Variants in RABGAP1L observed in about 807,000 individuals in gnomAD.
RABGAP1L encodes the protein rab GTPase-activating protein 1-like.
RABGAP1L carries 63 observed loss-of-function variants against 137.7 expected under a neutral mutation model. That is an observed-to-expected ratio of 0.46 (90% CI 0.37 to 0.56). The LOEUF is 0.56. Ranked by LOEUF, RABGAP1L falls within the 20% of genes least tolerant of loss-of-function variation. The pLI is 0.00. For missense variants in RABGAP1L, 1,095 were observed against 1,244.0 expected (o/e 0.88, Z 1.80); for synonymous variants, 431 against 433.7 (o/e 0.99, Z 0.08).
At chr1:174,405,902 C>A (rs989858449) in intron 13 of RABGAP1L, among the ~76,000 whole-genome samples, 10 of 151,556 alleles carry the variant, frequency 6.6e-5, no homozygotes, top group African/African-American at 2.2e-4. Context: ...CACTTGAGCC[C>A]GGGAGGCAGA....
intron 5 of RABGAP1L, among the ~76,000 whole-genome samples, chr1:174,248,098 T>A (rs972099130): frequency 5.3e-5 from 8 of 152,222 alleles, no homozygotes; most frequent in African/African-American, 1.9e-4. Flanking sequence ...CAATGACATA[T>A]TTCTAGCATA....
intron 13 of RABGAP1L, among the ~76,000 whole-genome samples, chr1:174,471,018 A>G (rs1657863249): frequency 6.9e-6 from 1 of 145,508 alleles, no homozygotes; most frequent in Admixed American, 6.8e-5. Flanking sequence ...ATGGTGGCTT[A>G]TACATAGCAG....
intron 11 of RABGAP1L, among the ~76,000 whole-genome samples, chr1:174,323,620 A>G (rs974508499): frequency 5.9e-5 from 9 of 152,138 alleles, no homozygotes; most frequent in African/African-American, 2.2e-4. Flanking sequence ...AGCTTTCATC[A>G]TATTTGGAAG....
At chr1:174,820,050 A>G (rs1485482463) in intron 19 of RABGAP1L, among the ~76,000 whole-genome samples, 3 of 152,174 alleles carry the variant, frequency 2.0e-5, no homozygotes, top group Non-Finnish European at 2.9e-5. Flanking sequence ...GCTTTGAGAA[A>G]CATGGAAGAG....
At chr1:174,981,786 C>T (rs1014069340) in intron 23 of RABGAP1L, among the ~76,000 whole-genome samples, 2 of 152,000 alleles carry the variant, frequency 1.3e-5, no homozygotes, top group Non-Finnish European at 2.9e-5. Flanking sequence ...CTATTTCTAC[C>T]ATTTCTAATA....
chr1:174,629,858 A>G (rs1035100446), intron 13 of RABGAP1L, among the ~76,000 whole-genome samples: 6 of 152,042 alleles, frequency 3.9e-5, no homozygotes, highest in African/African-American at 1.4e-4. Context: ...AGGTGATTTT[A>G]TTTTCATTTG....
At chr1:174,466,774 G>A (rs1571934947) in intron 13 of RABGAP1L, among the ~76,000 whole-genome samples, 1 of 152,146 alleles carries the variant, frequency 6.6e-6, no homozygotes, top group Non-Finnish European at 1.5e-5. Flanking sequence ...GCGAGAGAGC[G>A]AGACTTTATC....
intron 13 of RABGAP1L, among the ~76,000 whole-genome samples, chr1:174,434,349 C>T (rs925534951): frequency 5.3e-5 from 8 of 151,988 alleles, no homozygotes; most frequent in Non-Finnish European, 7.4e-5. Flanking sequence ...GGAAATATCA[C>T]GGTTTGTTTA....
chr1:174,462,957 A>G (rs1412191823), intron 13 of RABGAP1L, among the ~76,000 whole-genome samples: 1 of 152,248 alleles, frequency 6.6e-6, no homozygotes, highest in Non-Finnish European at 1.5e-5. Context: ...CAAAACCACA[A>G]TGAGATACCA....
intron 14 of RABGAP1L, among the ~76,000 whole-genome samples, chr1:174,638,649 A>G (rs527445836): frequency 3.4e-5 from 5 of 145,010 alleles, no homozygotes; most frequent in African/African-American, 1.0e-4. Flanking sequence ...ATGTCCAACA[A>G]TGATAGACTG....
intron 11 of RABGAP1L, among the ~76,000 whole-genome samples, chr1:174,356,776 G>T (rs1229435419): frequency 6.6e-6 from 1 of 152,046 alleles, no homozygotes; most frequent in Non-Finnish European, 1.5e-5. Context: ...CTGGGAATGT[G>T]TTTTTAGTTA....
intron 1 of RABGAP1L, among the ~76,000 whole-genome samples, chr1:174,205,509 T>A (rs1370848585): frequency 6.6e-6 from 1 of 152,138 alleles, no homozygotes; most frequent in Non-Finnish European, 1.5e-5. Flanking sequence ...CCTGGTTCAG[T>A]CTTGGGAGGA....
intron 14 of RABGAP1L, among the ~76,000 whole-genome samples, chr1:174,662,106 T>C (rs923497562): frequency 1.8e-5 from 2 of 111,236 alleles, no homozygotes; most frequent in South Asian, 2.6e-4. Context: ...TCTTTTCTTT[T>C]TTTTTTTTTT....
intron 1 of RABGAP1L, among the ~76,000 whole-genome samples, chr1:174,173,811 G>A (rs1246403618): frequency 6.6e-6 from 1 of 152,140 alleles, no homozygotes; most frequent in East Asian, 1.9e-4. Context: ...AGAAGGATAT[G>A]TAAACTGATC....
At chr1:174,277,420 T>A (rs1675092396) in intron 9 of RABGAP1L, among the ~76,000 whole-genome samples, 1 of 151,820 alleles carries the variant, frequency 6.6e-6, no homozygotes, top group African/African-American at 2.4e-5. Context: ...ATAAAAATAG[T>A]TTTTATGTTT....
chr1:174,328,909 C>T (rs893155907), intron 11 of RABGAP1L, among the ~76,000 whole-genome samples: 10 of 151,464 alleles, frequency 6.6e-5, no homozygotes, highest in Non-Finnish European at 1.3e-4. Context: ...CTCAAATAAA[C>T]AACCTAACTG....
At chr1:174,763,518 G>A (rs537108654) in intron 18 of RABGAP1L, among the ~76,000 whole-genome samples, 10 of 151,564 alleles carry the variant, frequency 6.6e-5, no homozygotes, top group African/African-American at 2.4e-4. Flanking sequence ...GGGCGTGGTA[G>A]CGGGCGCCTG....
chr1:174,822,735 G>A (rs1439724136), intron 19 of RABGAP1L, among the ~76,000 whole-genome samples: 1 of 152,306 alleles, frequency 6.6e-6, no homozygotes, highest in East Asian at 1.9e-4. Flanking sequence ...CATAATGCTT[G>A]CTCTCCCACG....
At position 174,434,017 on chromosome 1, in the gene RABGAP1L, C is replaced by G. The variant is rs191181026; in HGVS notation, c.1710+39872C>G. ...GTGTGTAACCACATGTATCAAGATA[C>G]AGAATGTTTCCCTCTTCCCTGAAAG... is the stretch of plus-strand genomic sequence containing the variant. On this transcript the variant is annotated intron_variant, in intron 13 of 25. Coordinates refer to ENST00000681986, the MANE Select transcript of RABGAP1L (RefSeq NM_001366446.1). 6.2e-4 allele frequency among the ~76,000 whole-genome samples: 95 copies of G among 152,010 alleles called. 1 individual carries two copies. The East Asian group carries it at 8.3e-3, about 13-fold the overall frequency.
Sources: gnomAD v4.1 joint callset for allele counts (sites outside exome capture counted in the v4.1 genomes callset) on GRCh38, gnomAD v4.1.1 for gene constraint, MANE v1.5 for transcripts, NCBI Gene and HGNC (gene_info 2026-07-23, HGNC 2026-07-21) for gene names.